Variants in ADGRF5 observed in about 807,000 individuals in gnomAD.
The protein encoded by ADGRF5 is adhesion G protein-coupled receptor F5.
Under a neutral mutation model 132.3 loss-of-function variants are expected in ADGRF5, and 75 were observed. The ratio of observed to expected loss-of-function variants is 0.57; its 90% CI spans 0.47 to 0.69. The LOEUF (loss-of-function observed/expected upper bound fraction) is 0.69. ADGRF5 is among the 30% of genes least tolerant of loss of function. The pLI is 0.00. For missense variants in ADGRF5, 1,516 were observed against 1,630.6 expected (o/e 0.93, Z 1.21); for synonymous variants, 629 against 597.6 (o/e 1.05, Z -0.77).
At chr6:46,947,575 A>G (rs1018340472) in intron 1 of ADGRF5, among the ~76,000 whole-genome samples, 1 of 152,160 alleles carries the variant, frequency 6.6e-6, no homozygotes, top group Non-Finnish European at 1.5e-5. Context: ...TGGGCAGGAT[A>G]AAGGGTTAAG....
chr6:46,885,194 C>CA (rs55947622), intron 4 of ADGRF5, among the ~76,000 whole-genome samples: 123 of 123,886 alleles, frequency 9.9e-4, no homozygotes, highest in South Asian at 6.3e-3. Flanking sequence ...GACCCTGTCT[C>CA]AAAAAAAAAA....
chr6:46,931,197 T>TA (rs1777541697), intron 1 of ADGRF5, among the ~76,000 whole-genome samples: 1 of 152,216 alleles, frequency 6.6e-6, no homozygotes, highest in African/African-American at 2.4e-5. Flanking sequence ...TGTCCCCTCT[T>TA]ACTTCCTCAG....
intron 3 of ADGRF5, among the ~76,000 whole-genome samples, chr6:46,897,263 A>G (rs984709796): frequency 2.9e-4 from 44 of 151,974 alleles, no homozygotes; most frequent in African/African-American, 1.0e-3. Context: ...AAATATAAGT[A>G]TTGATCCTAT....
chr6:46,911,943 A>G (rs1775991066), intron 1 of ADGRF5, among the ~76,000 whole-genome samples: 1 of 152,182 alleles, frequency 6.6e-6, no homozygotes, highest in Admixed American at 6.5e-5. Context: ...AACAGTAATC[A>G]TAATATTAAT....
At chr6:46,943,175 C>T (rs1035162095) in intron 1 of ADGRF5, among the ~76,000 whole-genome samples, 3 of 151,830 alleles carry the variant, frequency 2.0e-5, no homozygotes, top group African/African-American at 7.3e-5. Context: ...AGCATAATTG[C>T]CTGCTAAAGT....
Position 46,872,011 on chromosome 6 carries a change from T to C in ADGRF5, c.1243A>G (p.Thr415Ala). The C allele has an allele frequency of 1.3e-6, 2 of 1,591,958 alleles. No individual in the cohort carries two copies. Among genetic ancestry groups the C allele is most frequent in the East Asian group, 2.2e-5 (1 of 44,446 alleles). The change falls in exon 11 of 21, where the codon ACC becomes GCC. Residue 415 changes from threonine to alanine, a missense_variant and splice_region_variant. By Grantham distance (58) the Thr-to-Ala change is moderately conservative (BLOSUM62 0). Around this residue, in one of 2 missense-constraint regions of ADGRF5, gnomAD observed 945 missense variants for 929.4 expected, o/e 1.02. Transcript: ENST00000283296. The part of the protein sequence containing the change: ...KQEGKINIPG[T>A]PETDIDSSCS... ...CTAGAATCTATGTCTGTCTCAGGGG[T>C]TCCTATAATGAGAAGCAAATTGTTG...
chr6:46,906,037 G>A (rs1436699848), intron 2 of ADGRF5, among the ~76,000 whole-genome samples: 1 of 152,226 alleles, frequency 6.6e-6, no homozygotes, highest in Non-Finnish European at 1.5e-5. Context: ...GAGAAGCTAA[G>A]TAAGGAATAA....
intron 3 of ADGRF5, among the ~76,000 whole-genome samples, chr6:46,892,079 C>T (rs1375543489): frequency 2.0e-5 from 3 of 151,618 alleles, no homozygotes; most frequent in Non-Finnish European, 4.4e-5. Flanking sequence ...AGGCTGTTGG[C>T]TTACTCTCGG....
chr6:46,889,675 C>T (rs1773443918), intron 3 of ADGRF5, among the ~76,000 whole-genome samples: 1 of 144,456 alleles, frequency 6.9e-6, no homozygotes, highest in Non-Finnish European at 1.5e-5. Context: ...ACTATATATA[C>T]ATATATAGAC....
At chr6:46,915,737 A>AC (rs1776366804) in intron 1 of ADGRF5, among the ~76,000 whole-genome samples, 1 of 149,268 alleles carries the variant, frequency 6.7e-6, no homozygotes, top group Non-Finnish European at 1.5e-5. Context: ...TTATCCCCCC[A>AC]CCCCCAACCC....
chr6:46,877,251 C>CTTTCTTTT (rs1771801222), intron 10 of ADGRF5, among the ~76,000 whole-genome samples: 2 of 33,208 alleles, frequency 6.0e-5, no homozygotes, highest in African/African-American at 3.8e-4. Flanking sequence ...TTCTTTCTTT[C>CTTTCTTTT]TTTCTTTCTT....
intron 2 of ADGRF5, among the ~76,000 whole-genome samples, chr6:46,900,312 T>G (rs1488883486): frequency 3.3e-5 from 5 of 152,098 alleles, no homozygotes; most frequent in African/African-American, 4.8e-5. Flanking sequence ...TAGACCAGCC[T>G]CTAGACCAGG....
At chr6:46,868,765 T>C in intron 12 of ADGRF5, 118 bp downstream of exon 12, 1 of 663,966 alleles carries the variant, frequency 1.5e-6, no homozygotes, top group Non-Finnish European at 2.7e-6. Context: ...GAAGACATAT[T>C]GAATTTAAAG....
At chr6:46,864,166 G>C (rs758103538) in intron 14 of ADGRF5, among the ~76,000 whole-genome samples, 7 of 152,200 alleles carry the variant, frequency 4.6e-5, no homozygotes, top group Admixed American at 2.6e-4. Flanking sequence ...TCTCCCTTAA[G>C]ATGACCTTGT....
intron 14 of ADGRF5, among the ~76,000 whole-genome samples, chr6:46,864,435 C>G (rs866074671): frequency 4.6e-5 from 7 of 152,176 alleles, no homozygotes; most frequent in Middle Eastern, 3.2e-3. Context: ...CACATTGATA[C>G]TGTCCACTTC....
chr6:46,871,705 T>G, intron 11 of ADGRF5, 138 bp downstream of exon 11: 3 of 500,864 alleles, frequency 6.0e-6, no homozygotes, highest in African/African-American at 2.0e-5. Context: ...CTATCTCCCA[T>G]TGTGTGATTT....
intron 4 of ADGRF5, among the ~76,000 whole-genome samples, chr6:46,887,753 T>C (rs539608582): frequency 2.0e-5 from 3 of 152,224 alleles, no homozygotes; most frequent in Non-Finnish European, 4.4e-5. Context: ...TTCTACTGTA[T>C]ACCAAGTCTT....
chr6:46,881,339 C>G, intron 8 of ADGRF5, 116 bp downstream of exon 8: 1 of 826,522 alleles, frequency 1.2e-6, no homozygotes, highest in Non-Finnish European at 2.0e-6. Context: ...GTACAGAACC[C>G]CCTGTGCCAG....
In ADGRF5 at chr6:46,874,857, T is replaced by C. The variant is rs554177657; in HGVS notation, c.1241-2844A>G. Among the ~76,000 whole-genome samples the C allele has an allele frequency of 5.9e-5, 9 of 152,248 alleles. No homozygotes were observed. The South Asian group carries it at 8.3e-4, about 14-fold the overall frequency. On this transcript the variant is annotated intron_variant, in intron 10 of 20. Coordinates refer to ENST00000283296, the MANE Select transcript of ADGRF5 (RefSeq NM_001098518.2). ...CAATTTTGCCTCCCTGGAGGACATT[T>C]GGCAAGGTTTGGAGACATTTTTGGT... is the stretch of plus-strand genomic sequence containing the variant.
Sources: allele counts gnomAD v4.1 joint callset (sites outside exome capture counted in the v4.1 genomes callset), GRCh38; gene constraint gnomAD v4.1.1; regional missense constraint gnomAD v4.1.1; transcripts MANE v1.5; gene names NCBI Gene and HGNC (gene_info 2026-07-23, HGNC 2026-07-21).